TRIM62: variants seen among roughly 807,000 people sequenced by gnomAD.
TRIM62 encodes the protein E3 ubiquitin-protein ligase TRIM62.
TRIM62 carries 39 observed loss-of-function variants against 44.2 expected under a neutral mutation model. The ratio of observed to expected loss-of-function variants is 0.88; its 90% confidence interval spans 0.68 to 1.15. The LOEUF is 1.15. Ranked by LOEUF, TRIM62 falls within the 50% of genes most tolerant of loss-of-function variation. The probability of loss-of-function intolerance (pLI) is 0.00; values close to 1 mark genes in which losing one functional copy is unlikely to be tolerated. For missense variants in TRIM62, 544 were observed against 665.5 expected (o/e 0.82, Z 2.01); for synonymous variants, 278 against 292.3 (o/e 0.95, Z 0.50).
Position 33,157,095 on chromosome 1 carries a change from G to A in TRIM62, c.877+1158C>T, listed in dbSNP as rs1354167171. On this transcript the variant is annotated intron_variant, in intron 4 of 4. Transcript: ENST00000291416. ...CCTTAAAAAACTTAAACCAGTTCAC[G>A]TCACTTCATGGCTCCAAGCCCTCCA... is the stretch of plus-strand genomic sequence containing the variant. 4.0e-5 allele frequency among the ~76,000 whole-genome samples: 6 copies of A among 151,752 alleles called. No individual in the cohort carries two copies. In the South Asian group the frequency reaches 6.3e-4, roughly 16 times the overall value.
At position 33,159,448 on chromosome 1, in the gene TRIM62, C is replaced by T. The variant is rs769881466; in HGVS notation, c.761+240G>A. Among the ~76,000 whole-genome samples, 1 of 152,188 alleles carries T rather than the reference C, an allele frequency of 6.6e-6. No homozygotes were observed. Among genetic ancestry groups the T allele is most frequent in the Non-Finnish European group, 1.5e-5 (1 of 68,040 alleles). On this transcript the variant is annotated intron_variant, in intron 3 of 4. Transcript: ENST00000291416. This position sits in a 1 kb window ranked among gnomAD's most constrained non-coding sequence, Gnocchi z 4.2. ...AGACAGCAGGGTCAAAGTGGCTGCC[C>T]TCTAGATGGTTTTCAAACTGTGTTC...
At chr1:33,164,950 A>G (rs1459290610) in intron 2 of TRIM62, 1 of 108,170 alleles carries the variant, frequency 9.2e-6, no homozygotes, top group Non-Finnish European at 1.9e-5. Flanking sequence ...GCCTGGCTAT[A>G]TTCAATTTTT....
In TRIM62 at chr1:33,158,342, T is replaced by C. The variant is rs1218180983; in HGVS notation, c.788A>G (p.Asn263Ser). ...GGTCGGGAAGTCTTCATATGTGAGGTTGGTCTCATGGATTTTTCCCTTGAG... is the reference window on the plus strand; with the variant it reads ...GGTCGGGAAGTCTTCATATGTGAGGCTGGTCTCATGGATTTTTCCCTTGAG... The part of the protein sequence containing the change: ...ERLKGKIHET[N>S]LTYEDFPTSK... Residue 263 changes from asparagine to serine, a missense_variant, in exon 4 of 5, where the codon AAC becomes AGC. Coordinates refer to ENST00000291416, the MANE Select transcript of TRIM62 (RefSeq NM_018207.3). 3.7e-6 allele frequency: 6 copies of C among 1,613,666 alleles called. No homozygotes were observed. Among genetic ancestry groups the C allele is most frequent in the Admixed American group, 1.7e-5 (1 of 59,986 alleles).
intron 4 of TRIM62, among the ~76,000 whole-genome samples, chr1:33,151,916 C>T (rs1463559226): frequency 1.3e-5 from 2 of 152,228 alleles, no homozygotes; most frequent in Non-Finnish European, 2.9e-5. Flanking sequence ...TCTTTGTTCT[C>T]AAGAACAGAG....
At chr1:33,151,590 C>T (rs1319042707) in intron 4 of TRIM62, among the ~76,000 whole-genome samples, 1 of 152,172 alleles carries the variant, frequency 6.6e-6, no homozygotes, top group Non-Finnish European at 1.5e-5. Context: ...AGGTGACAGG[C>T]CCAGCAAAAC....
rs897564090 is a variant in TRIM62 at position 33,176,410 on chromosome 1, G to A, written c.408+4615C>T. 16 of 696,854 alleles carry A rather than the reference G, an allele frequency of 2.3e-5. No individual in the cohort carries two copies. In the East Asian group the frequency reaches 4.3e-4, roughly 19 times the overall value. 43.2% of individuals were successfully genotyped at this position (696,854 alleles called of 1,614,324 possible). ...CTGGATCACCATACCCTGCCTACCA[G>A]GGCTTGCGTCCAAGGCTGATCCACT... On this transcript the variant is annotated intron_variant, in intron 1 of 4. Transcript: ENST00000291416.
In TRIM62 at chr1:33,161,003, C is replaced by T. The variant is rs6678330; in HGVS notation, c.505-1059G>A. The stretch of plus-strand genomic sequence containing the variant: ...CACAGGTTTGGTGCCTGACAGTCTG[C>T]GTAAGGACTCTAGCTCTGGGTCTCT... On this transcript the variant is annotated intron_variant, in intron 2 of 4. Coordinates refer to ENST00000291416, the MANE Select transcript of TRIM62 (RefSeq NM_018207.3). This position sits in a 1 kb window ranked among gnomAD's most constrained non-coding sequence, Gnocchi z 4.3. Among the ~76,000 whole-genome samples, 4,079 of 152,262 alleles carry T rather than the reference C, an allele frequency of 0.027. 171 individuals carry two copies. The highest frequency in any genetic ancestry group is 0.082 in the African/African-American group (3,424 of 41,526).
Position 33,177,043 on chromosome 1 carries a change from ACACACACG to A in TRIM62, c.408+3974_408+3981del, listed in dbSNP as rs1240561599. 1.7e-5 allele frequency among the ~76,000 whole-genome samples: 1 copy of A among 57,940 alleles called. No homozygotes were observed. Among genetic ancestry groups the A allele is most frequent in the African/African-American group, 9.2e-5 (1 of 10,912 alleles). 38.0% of individuals were successfully genotyped at this position (57,940 alleles called of 152,430 possible). A position where few individuals can be genotyped will look rare whatever the true frequency, so the allele number is the denominator to read the frequency against. Reference sequence around the variant, plus strand: ...GACACCAACACACATACACATGCACACACACACGCACACACACACACATGCACACACAC... The same window carrying A: ...GACACCAACACACATACACATGCACACACACACACACACATGCACACACAC... On this transcript the variant is annotated intron_variant, in intron 1 of 4. Transcript: ENST00000291416. This position sits in a 1 kb window ranked among gnomAD's most constrained non-coding sequence, Gnocchi z 4.1.
At chr1:33,158,080 A>T (rs1645205674) in intron 4 of TRIM62, among the ~76,000 whole-genome samples, 173 bp downstream of exon 4, 1 of 152,214 alleles carries the variant, frequency 6.6e-6, no homozygotes, top group African/African-American at 2.4e-5. Flanking sequence ...ATGAAGGTCC[A>T]CTGAGCTGAG....
At chr1:33,178,013 A>G (rs1645435075) in intron 1 of TRIM62, among the ~76,000 whole-genome samples, 1 of 152,186 alleles carries the variant, frequency 6.6e-6, no homozygotes, top group African/African-American at 2.4e-5. Context: ...AGGGCTCTTA[A>G]TTTCTCTGCT....
Position 33,147,842 on chromosome 1 carries a change from T to C in TRIM62, c.878-115A>G. ...GGTACGCAGGAGGCCTCTGACCTGC[T>C]GTGTGACCTTGAATACAAGTCTGCC... On this transcript the variant is annotated intron_variant, in intron 4 of 4. Coordinates refer to ENST00000291416, the MANE Select transcript of TRIM62 (RefSeq NM_018207.3). The surrounding 1 kb of genome is among the most constrained non-coding windows in gnomAD (Gnocchi z 8.1). 8.7e-7 allele frequency: 1 copy of C among 1,151,084 alleles called. No individual in the cohort carries two copies. Among genetic ancestry groups the C allele is most frequent in the Non-Finnish European group, 1.2e-6 (1 of 822,700 alleles). The allele number at this position is 1,151,084 out of a possible 1,614,324, so 71.3% of individuals were successfully genotyped here.
rs527382430 is a variant in TRIM62, at chr1:33,161,713, C to T, written c.505-1769G>A. Among the ~76,000 whole-genome samples the T allele has an allele frequency of 6.6e-6, 1 of 152,296 alleles. No individual in the cohort carries two copies. Among genetic ancestry groups the T allele is most frequent in the East Asian group, 1.9e-4 (1 of 5,176 alleles). ...TGCTGATGGGGAAGATGGGGTCCGT[C>T]GTCCCTGCACCACCTGGAGCTGCCC... On this transcript the variant is annotated intron_variant, in intron 2 of 4. Transcript: ENST00000291416. This position sits in a 1 kb window ranked among gnomAD's most constrained non-coding sequence, Gnocchi z 4.3.
In TRIM62 at chr1:33,148,126, AG is replaced by A. The variant is rs1645045972; in HGVS notation, c.878-400del. ...CCTAGGGGGAATGGGGAAATTGGTGAGTGTGTTCAGGTTGTCTTAACAACAG... is the reference window on the plus strand; with the variant it reads ...CCTAGGGGGAATGGGGAAATTGGTGATGTGTTCAGGTTGTCTTAACAACAG... On this transcript the variant is annotated intron_variant, in intron 4 of 4. Transcript: ENST00000291416. Among the ~76,000 whole-genome samples the A allele has an allele frequency of 4.6e-5, 7 of 152,150 alleles. No homozygotes were observed. In the South Asian group the frequency reaches 1.4e-3, roughly 31 times the overall value.
At chr1:33,175,759 C>T (rs1016563490) in intron 1 of TRIM62, among the ~76,000 whole-genome samples, 3 of 151,906 alleles carry the variant, frequency 2.0e-5, no homozygotes, top group African/African-American at 4.8e-5. Context: ...GAGTAGGGAA[C>T]GAAAAAATCC....
In TRIM62 at chr1:33,159,634, A is replaced by G; in HGVS notation, c.761+54T>C. On this transcript the variant is annotated intron_variant, in intron 3 of 4. Transcript: ENST00000291416. The surrounding 1 kb of genome is among the most constrained non-coding windows in gnomAD (Gnocchi z 4.2). ...TCTGCCTCCACTCCCACTGCCCAGCATGGGTCGAGGAGGGGATGGTCAGCC... is the reference window on the plus strand; with the variant it reads ...TCTGCCTCCACTCCCACTGCCCAGCGTGGGTCGAGGAGGGGATGGTCAGCC... 1 of 1,564,556 alleles carries G rather than the reference A, an allele frequency of 6.4e-7. No individual in the cohort carries two copies. The highest frequency in any genetic ancestry group is 8.6e-7 in the Non-Finnish European group (1 of 1,156,424).
chr1:33,165,440 G>A lies in TRIM62; in HGVS notation c.504+31C>T, dbSNP rs1348320533. 2 of 1,542,198 alleles carry A rather than the reference G, an allele frequency of 1.3e-6. No homozygotes were observed. Among genetic ancestry groups the A allele is most frequent in the African/African-American group, 1.4e-5 (1 of 72,972 alleles). On this transcript the variant is annotated intron_variant, in intron 2 of 4. Transcript: ENST00000291416. The surrounding 1 kb of genome is among the most constrained non-coding windows in gnomAD (Gnocchi z 4.0). Reference sequence around the variant, plus strand: ...TCGAAGCCCTGCCCTCATCTCTGCCGGCCCCACCTCCGCGCCCCGGCCAGG... The same window carrying A: ...TCGAAGCCCTGCCCTCATCTCTGCCAGCCCCACCTCCGCGCCCCGGCCAGG...
At chr1:33,160,831 G>A (rs1167803041) in intron 2 of TRIM62, among the ~76,000 whole-genome samples, 1 of 152,204 alleles carries the variant, frequency 6.6e-6, no homozygotes, top group Non-Finnish European at 1.5e-5. Flanking sequence ...GTGGTTACTC[G>A]CTGTCTCCTG....
intron 1 of TRIM62, among the ~76,000 whole-genome samples, chr1:33,179,488 C>T (rs1292228945): frequency 2.6e-5 from 4 of 152,248 alleles, no homozygotes; most frequent in South Asian, 2.1e-4. Context: ...TTGAGTATCT[C>T]GAGGCCAGAG....
intron 4 of TRIM62, among the ~76,000 whole-genome samples, chr1:33,155,445 A>G (rs2124723126): frequency 6.6e-6 from 1 of 152,228 alleles, no homozygotes; most frequent in Admixed American, 6.5e-5. Context: ...GCCAGATGGA[A>G]GAAACTCTGA....
Sources: allele counts gnomAD v4.1 joint callset (sites outside exome capture counted in the v4.1 genomes callset), GRCh38; gene constraint gnomAD v4.1.1; non-coding constraint Gnocchi (gnomAD v3.1); transcripts MANE v1.5; gene names NCBI Gene and HGNC (gene_info 2026-07-23, HGNC 2026-07-21).